CRPPA: variants seen among roughly 807,000 people sequenced by gnomAD.
CRPPA encodes CDP-L-ribitol pyrophosphorylase A.
Under a neutral mutation model 52.0 loss-of-function variants are expected in CRPPA, and 43 were observed. The observed-to-expected ratio is 0.83, with a 90% confidence interval of 0.65 to 1.07. The LOEUF (loss-of-function observed/expected upper bound fraction) is 1.07. CRPPA is among the 50% of genes least tolerant of loss of function. The pLI, the probability that CRPPA is intolerant of heterozygous loss-of-function variation, is 0.00. For missense variants in CRPPA, 629 were observed against 551.7 expected (o/e 1.14, Z -1.40); for synonymous variants, 250 against 203.5 (o/e 1.23, Z -1.94).
At chr7:16,366,396 A>G (rs1786589246) in intron 3 of CRPPA, among the ~76,000 whole-genome samples, 1 of 152,210 alleles carries the variant, frequency 6.6e-6, no homozygotes, top group Admixed American at 6.5e-5. Context: ...ATCAATATAC[A>G]GCCATCAAAT....
chr7:16,304,698 G>T (rs1001596795), intron 4 of CRPPA, among the ~76,000 whole-genome samples: 2 of 152,072 alleles, frequency 1.3e-5, no homozygotes, highest in Admixed American at 6.5e-5. Context: ...AGGATTTCTG[G>T]TGGCAACTGA....
chr7:16,261,026 C>G (rs1365900844), intron 6 of CRPPA, among the ~76,000 whole-genome samples: 1 of 151,946 alleles, frequency 6.6e-6, no homozygotes, highest in African/African-American at 2.4e-5. Context: ...CCAAAAAATA[C>G]TACATATAAA....
intron 3 of CRPPA, among the ~76,000 whole-genome samples, chr7:16,308,977 G>C (rs1784977196): frequency 6.6e-6 from 1 of 152,022 alleles, no homozygotes. Context: ...GTATGGCTGA[G>C]GATTATCATA....
At chr7:16,211,593 T>C (rs536445180) in intron 9 of CRPPA, among the ~76,000 whole-genome samples, 39 of 152,310 alleles carry the variant, frequency 2.6e-4, no homozygotes, top group Admixed American at 9.2e-4. Context: ...AAAAACAGTG[T>C]TCTGCTAACC....
At chr7:16,199,465 TA>T (rs1781803096) in intron 9 of CRPPA, among the ~76,000 whole-genome samples, 1 of 152,146 alleles carries the variant, frequency 6.6e-6, no homozygotes, top group African/African-American at 2.4e-5. Flanking sequence ...AAATGGATAA[TA>T]AAAGAATTAA....
chr7:16,253,417 G>A (rs1783516397), intron 8 of CRPPA, among the ~76,000 whole-genome samples: 1 of 152,164 alleles, frequency 6.6e-6, no homozygotes, highest in Admixed American at 6.5e-5. Flanking sequence ...GTACAGTTTT[G>A]AATGGGTTTC....
At chr7:16,102,784 C>G (rs947936789) in intron 9 of CRPPA, among the ~76,000 whole-genome samples, 2 of 151,936 alleles carry the variant, frequency 1.3e-5, no homozygotes, top group Admixed American at 1.3e-4. Context: ...AGAATGGCGA[C>G]CATTAAAAAG....
At chr7:16,305,311 A>T (rs1452161150) in intron 4 of CRPPA, among the ~76,000 whole-genome samples, 1 of 152,184 alleles carries the variant, frequency 6.6e-6, no homozygotes, top group Non-Finnish European at 1.5e-5. Context: ...ATACCAAAAA[A>T]CAAACAAACA....
intron 6 of CRPPA, among the ~76,000 whole-genome samples, chr7:16,260,616 G>A (rs1423906355): frequency 6.6e-6 from 1 of 151,848 alleles, no homozygotes; most frequent in African/African-American, 2.4e-5. Context: ...TGCAAGTAAG[G>A]TATAGTCTCA....
chr7:16,349,408 C>T (rs1483694461), intron 3 of CRPPA, among the ~76,000 whole-genome samples: 1 of 152,164 alleles, frequency 6.6e-6, no homozygotes, highest in East Asian at 1.9e-4. Context: ...AATGAAAAAG[C>T]AGAAATATAC....
intron 3 of CRPPA, among the ~76,000 whole-genome samples, chr7:16,347,500 T>C (rs897158304): frequency 1.7e-4 from 26 of 152,164 alleles, no homozygotes; most frequent in African/African-American, 5.5e-4. Context: ...CTTTAAATAA[T>C]GCCACTATTT....
intron 3 of CRPPA, among the ~76,000 whole-genome samples, chr7:16,331,307 G>C (rs1474398634): frequency 6.6e-6 from 1 of 152,074 alleles, no homozygotes; most frequent in Non-Finnish European, 1.5e-5. Flanking sequence ...CCAGAAACGT[G>C]TTTTACAAGG....
At chr7:16,279,315 T>C (rs1348227884) in intron 5 of CRPPA, among the ~76,000 whole-genome samples, 1 of 152,162 alleles carries the variant, frequency 6.6e-6, no homozygotes, top group Non-Finnish European at 1.5e-5. Context: ...AGCACTGCTA[T>C]TACTACCTCC....
intron 9 of CRPPA, among the ~76,000 whole-genome samples, chr7:16,133,761 A>G (rs2128373519): frequency 8.0e-6 from 1 of 124,924 alleles, no homozygotes; most frequent in East Asian, 3.4e-4. Flanking sequence ...CAAACAAAAA[A>G]GCTGAAATGC....
intron 3 of CRPPA, among the ~76,000 whole-genome samples, chr7:16,316,078 G>T (rs1440343880): frequency 6.6e-6 from 1 of 152,086 alleles, no homozygotes; most frequent in Non-Finnish European, 1.5e-5. Context: ...AGTAGGACAT[G>T]GTAATCTATA....
At chr7:16,324,346 T>G (rs1785330169) in intron 3 of CRPPA, among the ~76,000 whole-genome samples, 1 of 152,174 alleles carries the variant, frequency 6.6e-6, no homozygotes, top group South Asian at 2.1e-4. Flanking sequence ...ACAAACCTCC[T>G]CAGCATCAAG....
intron 3 of CRPPA, among the ~76,000 whole-genome samples, chr7:16,366,478 C>T (rs1381027261): frequency 6.6e-6 from 1 of 152,146 alleles, no homozygotes; most frequent in Non-Finnish European, 1.5e-5. Flanking sequence ...CCACTGCTAA[C>T]CTTATATAAC....
intron 2 of CRPPA, among the ~76,000 whole-genome samples, chr7:16,380,486 A>C (rs1163899342): frequency 1.3e-5 from 2 of 152,180 alleles, no homozygotes; most frequent in African/African-American, 4.8e-5. Context: ...CTTTGGTATC[A>C]GAATGATGCT....
intron 6 of CRPPA, among the ~76,000 whole-genome samples, chr7:16,260,375 C>T (rs1783763236): frequency 6.6e-6 from 1 of 151,972 alleles, no homozygotes; most frequent in African/African-American, 2.4e-5. Flanking sequence ...GCTGATTTGC[C>T]TGTATAAGGC....
Sources: allele counts gnomAD v4.1 joint callset (sites outside exome capture counted in the v4.1 genomes callset), GRCh38; gene constraint gnomAD v4.1.1; transcripts MANE v1.5; gene names NCBI Gene and HGNC (gene_info 2026-07-23, HGNC 2026-07-21).